Variants in ZNF418 observed in about 807,000 individuals in gnomAD.
The protein encoded by ZNF418 is zinc finger protein 418.
In ZNF418, 32 loss-of-function variants were observed where a neutral mutation model predicts 32.0. That is an observed-to-expected ratio of 1.00 (90% CI 0.75 to 1.34). The LOEUF is 1.34. Among genes scored for constraint, ZNF418 ranks in the 40% most tolerant of loss-of-function variants. The pLI is 0.00. For missense variants in ZNF418, 804 were observed against 812.5 expected (o/e 0.99, Z 0.13); for synonymous variants, 276 against 270.7 (o/e 1.02, Z -0.19).
rs139086983 is a variant in ZNF418, at chr19:57,931,540, G to A, written c.7-986C>T. On this transcript the variant is annotated intron_variant, in intron 2 of 5. Transcript: ENST00000396147. ...TTTAGATAGCACAGGCACATGTCACGGCCAGCCCAACATGACATCCCCCAA... is the reference window on the plus strand; with the variant it reads ...TTTAGATAGCACAGGCACATGTCACAGCCAGCCCAACATGACATCCCCCAA... Among the ~76,000 whole-genome samples the A allele has an allele frequency of 4.4e-3, 669 of 152,116 alleles. 6 individuals are homozygous for A. Among genetic ancestry groups the A allele is most frequent in the Middle Eastern group, 0.014 (4 of 294 alleles).
intron 1 of ZNF418, 184 bp downstream of exon 1, chr19:57,934,977 T>G: frequency 7.1e-7 from 1 of 1,415,152 alleles, no homozygotes; most frequent in East Asian, 3.2e-5. Context: ...CCCGCGCCGG[T>G]CCCTGTGCCT....
At chr19:57,923,812 G>A (rs575023602) in intron 4 of ZNF418, among the ~76,000 whole-genome samples, 4 of 151,852 alleles carry the variant, frequency 2.6e-5, no homozygotes, top group South Asian at 2.1e-4. Flanking sequence ...TCCTGACCTC[G>A]TGATCCGCCT....
intron 2 of ZNF418, among the ~76,000 whole-genome samples, chr19:57,931,340 T>TACA (rs1426757974): frequency 6.6e-6 from 1 of 152,124 alleles, no homozygotes; most frequent in African/African-American, 2.4e-5. Flanking sequence ...TAACTGGGAT[T>TACA]ACAGGCACCC....
chr19:57,933,611 C>T (rs528453149), intron 2 of ZNF418, among the ~76,000 whole-genome samples: 2 of 152,260 alleles, frequency 1.3e-5, no homozygotes, highest in South Asian at 2.1e-4. Flanking sequence ...GTCCCAGCTA[C>T]TCGGGAGGTT....
chr19:57,933,555 C>T (rs561016196), intron 2 of ZNF418, among the ~76,000 whole-genome samples: 15 of 152,254 alleles, frequency 9.9e-5, no homozygotes, highest in Non-Finnish European at 1.2e-4. Flanking sequence ...ACCGTCTCTA[C>T]TAAAAAATCC....
At chr19:57,928,786 G>C (rs533023976) in intron 3 of ZNF418, among the ~76,000 whole-genome samples, 1 of 151,982 alleles carries the variant, frequency 6.6e-6, no homozygotes, top group Non-Finnish European at 1.5e-5. Flanking sequence ...GAGGTCAGGA[G>C]ATCGAGACCA....
In ZNF418 at chr19:57,922,190, CG is replaced by C. The variant is rs1319301644; in HGVS notation, c.*1064del. On this transcript the variant is annotated 3_prime_UTR_variant, in exon 6 of 6. Coordinates refer to ENST00000396147, the MANE Select transcript of ZNF418 (RefSeq NM_133460.3). ...GTCAGATATATCTGTTATACAGTGT[CG>C]AACTCCTGGCCTCCAGGATGTTCTT... 1.2e-5 allele frequency: 2 copies of C among 162,656 alleles called. No homozygotes were observed. Among genetic ancestry groups the C allele is most frequent in the African/African-American group, 4.8e-5 (2 of 41,918 alleles). The allele number at this position is 162,656 out of a possible 1,614,324, so 10.1% of individuals were successfully genotyped here.
Position 57,927,967 on chromosome 19 carries a change from G to T in ZNF418, c.214C>A (p.Pro72Thr). The change falls in exon 4 of 6, where the codon CCT (proline) becomes ACT (threonine). Residue 72 changes from proline to threonine, a missense_variant. Physicochemically the swap from Pro to Thr is conservative, Grantham distance 38. Coordinates refer to ENST00000396147, the MANE Select transcript of ZNF418 (RefSeq NM_133460.3). ...TTCTTGGGAGACACACCTGCCCCAGGAGTGCTGACCTGAGACACTCTTTGT... is the reference window on the plus strand; with the variant it reads ...TTCTTGGGAGACACACCTGCCCCAGTAGTGCTGACCTGAGACACTCTTTGT... ...SIQRVSQVSTPGAGVSPKKAH... is the reference protein window; with the variant it reads ...SIQRVSQVSTTGAGVSPKKAH... 1 of 1,611,136 alleles carries T rather than the reference G, an allele frequency of 6.2e-7. No individual in the cohort carries two copies. Among genetic ancestry groups the T allele is most frequent in the Admixed American group, 1.7e-5 (1 of 59,846 alleles).
At position 57,926,863 on chromosome 19, in the gene ZNF418, T is replaced by C. The variant is rs190925737; in HGVS notation, c.1318A>G (p.Asn440Asp). The C allele has an allele frequency of 1.2e-4, 187 of 1,614,138 alleles. 1 individual carries two copies. In the Middle Eastern group the frequency reaches 2.3e-3, roughly 20 times the overall value. Reference protein sequence around the residue: ...ECGKSFSRKGNLIQHQRSHTG... With the variant: ...ECGKSFSRKGDLIQHQRSHTG... ...TGGCTTCGCTGATGCTGAATGAGGT[T>C]GCCCTTTCGACTAAAAGATTTCCCA... The change falls in exon 4 of 6, where the codon AAC becomes GAC. Residue 440 changes from asparagine to aspartate, a missense_variant. Asn to Asp is a conservative substitution (Grantham distance 23, BLOSUM62 1). Coordinates refer to ENST00000396147, the MANE Select transcript of ZNF418 (RefSeq NM_133460.3).
intron 2 of ZNF418, among the ~76,000 whole-genome samples, chr19:57,931,558 TC>T (rs1289586938): frequency 6.6e-6 from 1 of 152,070 alleles, no homozygotes; most frequent in Admixed American, 6.6e-5. Context: ...CAACATGACA[TC>T]CCCCAACCAT....
At position 57,927,933 on chromosome 19, in the gene ZNF418, G is replaced by A; in HGVS notation, c.248C>T (p.Ser83Phe). 2 of 1,613,994 alleles carry A rather than the reference G, an allele frequency of 1.2e-6. No homozygotes were observed. The highest frequency in any genetic ancestry group is 1.1e-5 in the South Asian group (1 of 91,074). Reference sequence around the variant, plus strand: ...CAAGATCGCGCCACACATTTCACAAGAGTGGGCCTTCTTGGGAGACACACC... The same window carrying A: ...CAAGATCGCGCCACACATTTCACAAAAGTGGGCCTTCTTGGGAGACACACC... ...GAGVSPKKAH[S>F]CEMCGAILGD... Residue 83 changes from serine to phenylalanine, a missense_variant, in exon 4 of 6, where the codon TCT becomes TTT. Physicochemically the swap from Ser to Phe is radical, Grantham distance 155. Coordinates refer to ENST00000396147, the MANE Select transcript of ZNF418 (RefSeq NM_133460.3).
chr19:57,932,900 A>T (rs765462159), intron 2 of ZNF418, among the ~76,000 whole-genome samples: 1 of 151,910 alleles, frequency 6.6e-6, no homozygotes, highest in Non-Finnish European at 1.5e-5. Context: ...TACATCTCTT[A>T]TCTATTCTAC....
At position 57,925,969 on chromosome 19, in the gene ZNF418, C is replaced by T; in HGVS notation, c.*181G>A. 1 of 586,408 alleles carries T rather than the reference C, an allele frequency of 1.7e-6. No homozygotes were observed. Among genetic ancestry groups the T allele is most frequent in the Non-Finnish European group, 3.0e-6 (1 of 332,302 alleles). The allele number at this position is 586,408 out of a possible 1,614,324, so 36.3% of individuals were successfully genotyped here. ...CCAATGACAGAAGGCAGAAGGCTTTCTCACATTCATCGCACTCAAGAGGCC... is the reference window on the plus strand; with the variant it reads ...CCAATGACAGAAGGCAGAAGGCTTTTTCACATTCATCGCACTCAAGAGGCC... On this transcript the variant is annotated 3_prime_UTR_variant, in exon 4 of 6. Coordinates refer to ENST00000396147, the MANE Select transcript of ZNF418 (RefSeq NM_133460.3).
At chr19:57,930,640 C>T in intron 2 of ZNF418, 86 bp from the exon 3 acceptor site, 1 of 1,576,902 alleles carries the variant, frequency 6.3e-7, no homozygotes, top group Non-Finnish European at 8.6e-7. Context: ...CACCCCCTTG[C>T]CCATCCTCCT....
intron 2 of ZNF418, chr19:57,932,662 A>G: frequency 1.4e-6 from 2 of 1,402,240 alleles, no homozygotes; most frequent in Non-Finnish European, 1.8e-6. Context: ...AAAAGTGGAA[A>G]ACAAAAGAAA....
intron 3 of ZNF418, among the ~76,000 whole-genome samples, chr19:57,928,837 C>T (rs981623333): frequency 6.6e-6 from 1 of 151,622 alleles, no homozygotes; most frequent in African/African-American, 2.4e-5. Context: ...ACTAAAAATA[C>T]AAAAAAATTA....
Position 57,926,126 on chromosome 19 carries a change from C to G in ZNF418, c.*24G>C, listed in dbSNP as rs375545245. On this transcript the variant is annotated 3_prime_UTR_variant, in exon 4 of 6. Transcript: ENST00000396147. Reference sequence around the variant, plus strand: ...ATCAAGAAGATGCACAGAGGTTTAGCTAAAGAATTTCCCAAATTTCTTTTC... The same window carrying G: ...ATCAAGAAGATGCACAGAGGTTTAGGTAAAGAATTTCCCAAATTTCTTTTC... The G allele has an allele frequency of 1.1e-5, 17 of 1,585,212 alleles. No individual in the cohort carries two copies. In the African/African-American group the frequency reaches 1.5e-4, roughly 14 times the overall value.
In ZNF418 at chr19:57,933,909, A is replaced by G; in HGVS notation, c.-80-7T>C. On this transcript the variant is annotated splice_region_variant and splice_polypyrimidine_tract_variant and intron_variant, in intron 1 of 5. Transcript: ENST00000396147. ...CTTTGCAGCCAGATGATGCCTGCAGACAAATGGGACTGTGGTAACATCACC... is the reference window on the plus strand; with the variant it reads ...CTTTGCAGCCAGATGATGCCTGCAGGCAAATGGGACTGTGGTAACATCACC... 1 of 1,612,762 alleles carries G rather than the reference A, an allele frequency of 6.2e-7. No individual in the cohort carries two copies. The highest frequency in any genetic ancestry group is 8.5e-7 in the Non-Finnish European group (1 of 1,179,956).
chr19:57,926,482 C>G lies in ZNF418; in HGVS notation c.1699G>C (p.Glu567Gln). ...QKTHTAERPY[E>Q]CRECGKFFSS... The stretch of plus-strand genomic sequence containing the variant: ...AAGAATTTCCCACATTCTCTGCACT[C>G]ATAAGGTCTTTCTGCAGTGTGAGTT... The change falls in exon 4 of 6, where the codon GAG (glutamate) becomes CAG (glutamine). Residue 567 changes from glutamate to glutamine, a missense_variant. Physicochemically the swap from Glu to Gln is conservative, Grantham distance 29 (BLOSUM62 2). Transcript: ENST00000396147. 6.2e-7 allele frequency: 1 copy of G among 1,613,806 alleles called. No individual in the cohort carries two copies.
Sources: gnomAD v4.1 joint callset for allele counts (sites outside exome capture counted in the v4.1 genomes callset) on GRCh38, gnomAD v4.1.1 for gene constraint, MANE v1.5 for transcripts, NCBI Gene and HGNC (gene_info 2026-07-23, HGNC 2026-07-21) for gene names.